Variants in KNTC1 observed in about 807,000 individuals in gnomAD.
The protein encoded by KNTC1 is kinetochore-associated protein 1.
A neutral mutation model predicts 314.4 loss-of-function variants in KNTC1; 253 were observed. The ratio of observed to expected loss-of-function variants is 0.80; its 90% confidence interval spans 0.73 to 0.89. The LOEUF is 0.89. Among genes scored for constraint, KNTC1 ranks in the 40% least tolerant of loss-of-function variants. KNTC1 has a pLI of 0.00. For missense variants in KNTC1, 2,475 were observed against 2,572.9 expected (o/e 0.96, Z 0.82); for synonymous variants, 901 against 901.4 (o/e 1.00, Z 0.01).
chr12:122,548,201 T>C (rs1962928242), intron 12 of KNTC1, among the ~76,000 whole-genome samples: 1 of 152,102 alleles, frequency 6.6e-6, no homozygotes, highest in Admixed American at 6.6e-5. Context: ...AAAGTGTTTA[T>C]TTTATTTTAT....
At position 122,557,702 on chromosome 12, in the gene KNTC1, T is replaced by G. The variant is rs774837406; in HGVS notation, c.1488+13T>G. 4 of 1,596,674 alleles carry G rather than the reference T, an allele frequency of 2.5e-6. No individual in the cohort carries two copies. The highest frequency in any genetic ancestry group is 3.4e-6 in the Non-Finnish European group (4 of 1,168,438). ...TGCCAAAACCAGGGTAGGTTCGTTT[T>G]TTTGTATTTTGTTTTTTTGGGGCAG... On this transcript the variant is annotated intron_variant, in intron 18 of 63. Transcript: ENST00000333479.
At chr12:122,562,836 C>G in intron 20 of KNTC1, 137 bp downstream of exon 20, 1 of 558,042 alleles carries the variant, frequency 1.8e-6, no homozygotes, top group Non-Finnish European at 3.4e-6. Flanking sequence ...ATGGCAAAAC[C>G]CCATCTCTAC....
rs1962734330 is a variant in KNTC1 at position 122,546,046 on chromosome 12, C to A, written c.670-130C>A. ...CCAAGAGAGGAACTGGAAGATGAAA[C>A]CTAGTTAAGTTAGAATATGTAAATA... On this transcript the variant is annotated intron_variant, in intron 8 of 63. Coordinates refer to ENST00000333479, the MANE Select transcript of KNTC1 (RefSeq NM_014708.6). 4 of 633,516 alleles carry A rather than the reference C, an allele frequency of 6.3e-6. 1 individual carries two copies. The highest frequency in any genetic ancestry group is 5.6e-6 in the Non-Finnish European group (2 of 355,664). The allele number at this position is 633,516 out of a possible 1,614,324, so 39.2% of individuals were successfully genotyped here. A position where few individuals can be genotyped will look rare whatever the true frequency, so the allele number is the denominator to read the frequency against.
intron 12 of KNTC1, 82 bp from the exon 13 acceptor site, chr12:122,549,684 C>T: frequency 1.3e-6 from 1 of 742,286 alleles, no homozygotes. Context: ...GTGTTTTAAT[C>T]TGCTCTTAAT....
At chr12:122,604,259 G>T (rs1308521278) in intron 48 of KNTC1, among the ~76,000 whole-genome samples, 2 of 143,374 alleles carry the variant, frequency 1.4e-5, no homozygotes, top group African/African-American at 5.3e-5. Flanking sequence ...TGCAACCTCT[G>T]CCTCAGCCTC....
chr12:122,594,105 CTCAAA>C (rs1432058708), intron 42 of KNTC1, 166 bp from the exon 43 acceptor site: 2 of 585,462 alleles, frequency 3.4e-6, no homozygotes, highest in African/African-American at 3.7e-5. Context: ...CCATGTACAC[CTCAAA>C]TCTCAGAATG....
At chr12:122,605,186 T>C in intron 50 of KNTC1, 99 bp downstream of exon 50, 1 of 1,106,114 alleles carries the variant, frequency 9.0e-7, no homozygotes, top group East Asian at 2.6e-5. Flanking sequence ...TACTTACATA[T>C]GCTTATATAT....
Position 122,551,442 on chromosome 12 carries a change from T to C in KNTC1, c.1131-16T>C, listed in dbSNP as rs1347859233. 6 of 1,567,282 alleles carry C rather than the reference T, an allele frequency of 3.8e-6. No homozygotes were observed. In the South Asian group the frequency reaches 6.9e-5, roughly 18 times the overall value. The stretch of plus-strand genomic sequence containing the variant: ...TATTAAAAGACAAGCGCATTTATAG[T>C]TAAAATTTTTTCTAGATTGTCTGAA... On this transcript the variant is annotated splice_polypyrimidine_tract_variant and intron_variant, in intron 14 of 63. Coordinates refer to ENST00000333479, the MANE Select transcript of KNTC1 (RefSeq NM_014708.6).
In KNTC1 at chr12:122,538,457, A is replaced by T. The variant is rs537535234; in HGVS notation, c.366+3A>T. The T allele has an allele frequency of 6.9e-7, 1 of 1,445,686 alleles. No homozygotes were observed. The highest frequency in any genetic ancestry group is 9.5e-7 in the Non-Finnish European group (1 of 1,050,946). 89.6% of individuals were successfully genotyped at this position (1,445,686 alleles called of 1,614,324 possible). On this transcript the variant is annotated splice_donor_region_variant and intron_variant, in intron 4 of 63. Transcript: ENST00000333479. ...CAAAACAAACACTACTCACTAATGT[A>T]AGATCTTGTTGTATTTTAATTTTCA...
At chr12:122,535,271 C>G (rs1961698782) in intron 3 of KNTC1, among the ~76,000 whole-genome samples, 1 of 152,174 alleles carries the variant, frequency 6.6e-6, no homozygotes, top group African/African-American at 2.4e-5. Context: ...TGCCTGCAAT[C>G]CCAGCACTTT....
chr12:122,551,822 G>C, intron 16 of KNTC1, 126 bp downstream of exon 16: 1 of 724,078 alleles, frequency 1.4e-6, no homozygotes, highest in South Asian at 1.7e-5. Flanking sequence ...AGATATGACT[G>C]AAGTTGATTA....
Position 122,573,196 on chromosome 12 carries a change from C to T in KNTC1, c.2194C>T (p.Leu732Phe). The part of the protein sequence containing the change: ...RMFDKVLAPE[L>F]IPSILEKFIR... ...GTTTGATAAAGTGCTGGCCCCAGAG[C>T]TTATTCCCTCCATCTTAGAGAAGTT... Residue 732 changes from leucine to phenylalanine, a missense_variant, in exon 26 of 64, where the codon CTT (leucine) becomes TTT (phenylalanine). By Grantham distance (22) the Leu-to-Phe change is conservative. Coordinates refer to ENST00000333479, the MANE Select transcript of KNTC1 (RefSeq NM_014708.6). The T allele has an allele frequency of 6.2e-7, 1 of 1,613,898 alleles. No individual in the cohort carries two copies. Among genetic ancestry groups the T allele is most frequent in the East Asian group, 2.2e-5 (1 of 44,854 alleles).
intron 31 of KNTC1, 86 bp downstream of exon 31, chr12:122,577,877 T>G: frequency 1.6e-6 from 2 of 1,225,526 alleles, no homozygotes; most frequent in Non-Finnish European, 2.2e-6. Context: ...CTTACACATA[T>G]GAAGATCTGC....
intron 26 of KNTC1, 97 bp downstream of exon 26, chr12:122,573,382 C>T: frequency 9.2e-7 from 1 of 1,085,734 alleles, no homozygotes; most frequent in Non-Finnish European, 1.3e-6. Context: ...TATGCTTTCT[C>T]AGTAGGACTC....
intron 12 of KNTC1, 67 bp downstream of exon 12, chr12:122,548,036 A>G: frequency 1.0e-6 from 1 of 970,070 alleles, no homozygotes; most frequent in Non-Finnish European, 1.5e-6. Context: ...TGAATACAAA[A>G]GTAGATGTTA....
chr12:122,536,918 T>G (rs1305271128), intron 3 of KNTC1, among the ~76,000 whole-genome samples: 1 of 152,222 alleles, frequency 6.6e-6, no homozygotes, highest in African/African-American at 2.4e-5. Context: ...GGAACATATC[T>G]TGATTGCAAC....
chr12:122,610,424 G>C (rs528071536), intron 52 of KNTC1, among the ~76,000 whole-genome samples: 3 of 152,190 alleles, frequency 2.0e-5, no homozygotes, highest in Admixed American at 6.5e-5. Context: ...AGAGGGGCCA[G>C]CCTGCCCTGG....
At chr12:122,611,700 G>T (rs530321347) in intron 53 of KNTC1, 2 of 152,282 alleles carry the variant, frequency 1.3e-5, no homozygotes, top group East Asian at 3.9e-4. Context: ...GGGAGGACTG[G>T]TTCCAGGACC....
intron 5 of KNTC1, among the ~76,000 whole-genome samples, chr12:122,540,544 G>A (rs1057225682): frequency 1.3e-5 from 2 of 151,952 alleles, no homozygotes; most frequent in Non-Finnish European, 2.9e-5. Context: ...AATTTTTAAA[G>A]CTCTTTTTAG....
Sources: gnomAD v4.1 joint callset for allele counts (sites outside exome capture counted in the v4.1 genomes callset) on GRCh38, gnomAD v4.1.1 for gene constraint, MANE v1.5 for transcripts, NCBI Gene and HGNC (gene_info 2026-07-23, HGNC 2026-07-21) for gene names.